DLGAP1: variants seen among roughly 807,000 people sequenced by gnomAD.
DLGAP1 encodes the protein disks large-associated protein 1.
In DLGAP1, 11 loss-of-function variants were observed where a neutral mutation model predicts 90.8. The ratio of observed to expected loss-of-function variants is 0.12; its 90% CI spans 0.08 to 0.20. The LOEUF is 0.20. Among genes scored for constraint, DLGAP1 ranks in the 10% least tolerant of loss-of-function variants. The pLI is 1.00. For synonymous variants in DLGAP1, 558 were observed against 540.7 expected, an observed-to-expected ratio of 1.03 and a Z score of -0.44; for missense variants, 1,050 against 1,333.8, an observed-to-expected ratio of 0.79 and a Z score of 3.31.
At chr18:4,232,827 A>G (rs2078328728) in intron 1 of DLGAP1, among the ~76,000 whole-genome samples, 1 of 152,140 alleles carries the variant, frequency 6.6e-6, no homozygotes, top group South Asian at 2.1e-4. Flanking sequence ...TCAAGAGACC[A>G]AGGTGAAACC....
At chr18:3,841,566 C>G (rs1242172809) in intron 4 of DLGAP1, among the ~76,000 whole-genome samples, 1 of 152,132 alleles carries the variant, frequency 6.6e-6, no homozygotes, top group Non-Finnish European at 1.5e-5. Flanking sequence ...GAACTGGTCC[C>G]TGGAGTCAAA....
chr18:4,153,155 A>T (rs1268063143), intron 1 of DLGAP1, among the ~76,000 whole-genome samples: 9 of 152,340 alleles, frequency 5.9e-5, no homozygotes, highest in African/African-American at 2.2e-4. Flanking sequence ...TCACTAGGAG[A>T]GGTCTTAAAT....
At chr18:4,168,138 T>C (rs2076961954) in intron 1 of DLGAP1, among the ~76,000 whole-genome samples, 1 of 152,154 alleles carries the variant, frequency 6.6e-6, no homozygotes, top group Non-Finnish European at 1.5e-5. Flanking sequence ...TAAAATAATC[T>C]TGACAATGAA....
chr18:4,388,764 T>G (rs1256002219), intron 1 of DLGAP1, among the ~76,000 whole-genome samples: 4 of 152,158 alleles, frequency 2.6e-5, no homozygotes, highest in African/African-American at 9.7e-5. Context: ...ATTTTAACAA[T>G]TATCTCATAT....
At chr18:4,060,595 T>A (rs1226916801) in intron 2 of DLGAP1, among the ~76,000 whole-genome samples, 2 of 152,184 alleles carry the variant, frequency 1.3e-5, no homozygotes, top group Non-Finnish European at 2.9e-5. Context: ...TTCTACAGTA[T>A]GTACATAACT....
At chr18:3,699,570 T>C (rs2061209784) in intron 7 of DLGAP1, among the ~76,000 whole-genome samples, 1 of 152,154 alleles carries the variant, frequency 6.6e-6, no homozygotes. Context: ...GTGGTGTCTG[T>C]TGACTCCTGC....
At chr18:4,194,724 T>C (rs1311310693) in intron 1 of DLGAP1, among the ~76,000 whole-genome samples, 1 of 152,246 alleles carries the variant, frequency 6.6e-6, no homozygotes, top group East Asian at 1.9e-4. Context: ...ATACCAGTTT[T>C]GAAATTTTAA....
chr18:4,361,869 C>A (rs951490605), intron 1 of DLGAP1, among the ~76,000 whole-genome samples: 1 of 152,018 alleles, frequency 6.6e-6, no homozygotes, highest in Non-Finnish European at 1.5e-5. Flanking sequence ...GAATAGAGAA[C>A]TCCTAAAATT....
chr18:3,937,241 G>A (rs1177845669), intron 3 of DLGAP1, among the ~76,000 whole-genome samples: 2 of 152,172 alleles, frequency 1.3e-5, no homozygotes, highest in Non-Finnish European at 2.9e-5. Context: ...TGCTAATAAA[G>A]ACATACCTGA....
chr18:4,443,078 C>T (rs1028101662), intron 1 of DLGAP1, among the ~76,000 whole-genome samples: 6 of 152,116 alleles, frequency 3.9e-5, no homozygotes, highest in Admixed American at 1.3e-4. Context: ...TCAAAAACTG[C>T]CAAAGTTGAA....
intron 7 of DLGAP1, among the ~76,000 whole-genome samples, chr18:3,673,615 C>T (rs1425431936): frequency 1.3e-5 from 2 of 152,114 alleles, no homozygotes; most frequent in African/African-American, 4.8e-5. Flanking sequence ...GGCATGAACT[C>T]GGCTCACTGC....
chr18:3,584,621 A>C (rs1040380983), intron 7 of DLGAP1, among the ~76,000 whole-genome samples: 3 of 152,148 alleles, frequency 2.0e-5, no homozygotes, highest in African/African-American at 7.2e-5. Flanking sequence ...ACAATATCAT[A>C]TGGACTCTGG....
chr18:3,542,144 T>C (rs945441638), intron 9 of DLGAP1, among the ~76,000 whole-genome samples: 1 of 152,222 alleles, frequency 6.6e-6, no homozygotes, highest in Non-Finnish European at 1.5e-5. Flanking sequence ...ATAAAAGGTA[T>C]ACTAGGAGAG....
At chr18:3,980,790 T>A (rs1428743081) in intron 3 of DLGAP1, among the ~76,000 whole-genome samples, 2 of 152,252 alleles carry the variant, frequency 1.3e-5, no homozygotes, top group Non-Finnish European at 2.9e-5. Flanking sequence ...TACAACATGA[T>A]GTTTTGAAAC....
rs150730040 is a variant in DLGAP1 at position 4,367,546 on chromosome 18, T to C, written c.-267+87460A>G. The stretch of plus-strand genomic sequence containing the variant: ...CAATATTATTCCAAAAAAAATTATA[T>C]GTAGGAATAGAGGGCACATTCAGAA... On this transcript the variant is annotated intron_variant, in intron 1 of 12. Coordinates refer to ENST00000315677, the MANE Select transcript of DLGAP1 (RefSeq NM_004746.4). Among the ~76,000 whole-genome samples, 6 of 152,272 alleles carry C rather than the reference T, an allele frequency of 3.9e-5. No homozygotes were observed. The South Asian group carries it at 6.2e-4, about 16-fold the overall frequency.
At chr18:3,987,615 A>T (rs1054317990) in intron 3 of DLGAP1, among the ~76,000 whole-genome samples, 1 of 152,188 alleles carries the variant, frequency 6.6e-6, no homozygotes, top group African/African-American at 2.4e-5. Flanking sequence ...GTGTATGTTC[A>T]GAGATATTTA....
chr18:3,886,886 C>G lies in DLGAP1; in HGVS notation c.-72-6746G>C, dbSNP rs1274475019. On this transcript the variant is annotated intron_variant, in intron 3 of 12. Transcript: ENST00000315677. ...GTGAGGGGCATACGCTTCTTTACCC[C>G]TTCTCTGGCTGGAACGCAGCTGTGG... is the stretch of plus-strand genomic sequence containing the variant. 3.3e-5 allele frequency among the ~76,000 whole-genome samples: 5 copies of G among 152,290 alleles called. No individual in the cohort carries two copies. In the East Asian group the frequency reaches 7.7e-4, roughly 24 times the overall value.
intron 2 of DLGAP1, among the ~76,000 whole-genome samples, chr18:4,029,621 T>C (rs1189654587): frequency 6.6e-6 from 1 of 152,230 alleles, no homozygotes; most frequent in East Asian, 1.9e-4. Flanking sequence ...GACTTGCTAA[T>C]GCCCACACAG....
At position 3,814,204 on chromosome 18, in the gene DLGAP1, G is replaced by T. The variant is rs754294975; in HGVS notation, c.1027C>A (p.Arg343=). ...KDDEIPCRRM[R]SGSYIKAMGD... is the part of the protein sequence containing the mutation. The stretch of plus-strand genomic sequence containing the variant: ...ATGGCCTTGATATAACTGCCACTCC[G>T]CATTCTTCGGCATGGAATTTCATCA... Residue 343 remains arginine (R), a synonymous_variant, in exon 5 of 13, where the codon CGG becomes AGG. Transcript: ENST00000315677. 6.8e-6 allele frequency: 11 copies of T among 1,613,920 alleles called. No individual in the cohort carries two copies. The Admixed American group carries it at 1.5e-4, about 22-fold the overall frequency.
Sources: gnomAD v4.1 joint callset for allele counts (sites outside exome capture counted in the v4.1 genomes callset) on GRCh38, gnomAD v4.1.1 for gene constraint, MANE v1.5 for transcripts, NCBI Gene and HGNC (gene_info 2026-07-23, HGNC 2026-07-21) for gene names.